Variants in NRG1 observed in about 807,000 individuals in gnomAD.
NRG1 encodes the protein pro-neuregulin-1, membrane-bound isoform.
A neutral mutation model predicts 63.8 loss-of-function variants in NRG1; 18 were observed. The observed-to-expected ratio is 0.28, with a 90% CI of 0.19 to 0.42. The LOEUF (loss-of-function observed/expected upper bound fraction) is 0.42, where lower values mean the gene tolerates loss of function less well. Ranked by LOEUF, NRG1 falls within the 10% of genes least tolerant of loss-of-function variation. The probability of loss-of-function intolerance (pLI) is 1.00; values close to 1 mark genes in which losing one functional copy is unlikely to be tolerated. For missense variants in NRG1, 762 were observed against 814.7 expected, an observed-to-expected ratio of 0.94 and a Z score of 0.79; for synonymous variants, 302 against 301.3, an observed-to-expected ratio of 1.00 and a Z score of -0.02.
At chr8:32,476,119 A>G (rs529718078) in intron 1 of NRG1, among the ~76,000 whole-genome samples, 13 of 152,186 alleles carry the variant, frequency 8.5e-5, no homozygotes, top group Non-Finnish European at 1.9e-4. Context: ...GTAAATGAGA[A>G]TTTATTATAA....
chr8:32,332,156 G>T (rs533118808), intron 1 of NRG1, among the ~76,000 whole-genome samples: 26 of 152,134 alleles, frequency 1.7e-4, no homozygotes, highest in African/African-American at 6.0e-4. Flanking sequence ...AAAAAAGAAG[G>T]TTGTAAGTTA....
intron 1 of NRG1, among the ~76,000 whole-genome samples, chr8:32,436,809 T>C (rs1818851385): frequency 1.3e-5 from 2 of 152,076 alleles, no homozygotes. Flanking sequence ...GTATAAAAAA[T>C]GGTTAAAATA....
rs144210854 is a variant in NRG1, at chr8:32,708,026, A to C, written c.503-19923A>C. Among the ~76,000 whole-genome samples, 225 of 152,206 alleles carry C rather than the reference A, an allele frequency of 1.5e-3. 2 individuals carry two copies. The highest frequency in any genetic ancestry group is 5.2e-3 in the African/African-American group (214 of 41,552). ...TCATAAATAATCTGTAAAACAAAATAATAGTGGCAGTATTTGTAATAAAGT... is the reference window on the plus strand; with the variant it reads ...TCATAAATAATCTGTAAAACAAAATCATAGTGGCAGTATTTGTAATAAAGT... On this transcript the variant is annotated intron_variant, in intron 5 of 11. Coordinates refer to ENST00000356819, the Ensembl canonical transcript of NRG1.
intron 1 of NRG1, among the ~76,000 whole-genome samples, chr8:31,717,696 C>T (rs985391615): frequency 6.6e-6 from 1 of 152,096 alleles, no homozygotes; most frequent in African/African-American, 2.4e-5. Context: ...ATCTTTTAAA[C>T]TTTAAAACAG....
intron 1 of NRG1, among the ~76,000 whole-genome samples, chr8:32,226,956 C>G (rs1846389693): frequency 6.6e-6 from 1 of 152,210 alleles, no homozygotes; most frequent in South Asian, 2.1e-4. Context: ...AATGTCCATG[C>G]AGCAACTCAT....
intron 5 of NRG1, among the ~76,000 whole-genome samples, chr8:32,637,910 G>A (rs62500238): frequency 0.29 from 43,685 of 151,972 alleles, 7,140 homozygotes; most frequent in Non-Finnish European, 0.36. Flanking sequence ...ACAAGTGGTC[G>A]TGGGAGCATT....
chr8:32,512,893 C>T (rs76804075), intron 1 of NRG1, among the ~76,000 whole-genome samples: 1,835 of 152,224 alleles, frequency 0.012, 39 homozygotes, highest in African/African-American at 0.041. Context: ...AGAACAATAA[C>T]CCCATTCCTT....
chr8:32,303,851 G>A (rs766995593), intron 1 of NRG1, among the ~76,000 whole-genome samples: 11 of 152,104 alleles, frequency 7.2e-5, no homozygotes, highest in African/African-American at 1.9e-4. Flanking sequence ...TTAAAGATAC[G>A]AAATTTACTT....
intron 1 of NRG1, among the ~76,000 whole-genome samples, chr8:32,228,002 T>C (rs57399093): frequency 0.012 from 1,892 of 152,338 alleles, 47 homozygotes; most frequent in African/African-American, 0.042. Flanking sequence ...TATTTTGCTT[T>C]CTCTCAGATA....
intron 1 of NRG1, among the ~76,000 whole-genome samples, chr8:31,660,827 G>A (rs995269810): frequency 1.3e-5 from 2 of 152,122 alleles, no homozygotes; most frequent in Middle Eastern, 3.2e-3. Context: ...CCTATATACT[G>A]TTGGGAGTCT....
At chr8:32,124,815 G>C (rs1833883888) in intron 1 of NRG1, among the ~76,000 whole-genome samples, 1 of 151,834 alleles carries the variant, frequency 6.6e-6, no homozygotes, top group South Asian at 2.1e-4. Context: ...CAGTGGGCTG[G>C]ACAAGCAAAG....
intron 1 of NRG1, among the ~76,000 whole-genome samples, chr8:32,148,049 G>A (rs1488897221): frequency 6.6e-6 from 1 of 151,860 alleles, no homozygotes; most frequent in African/African-American, 2.4e-5. Context: ...GAAAACAAAG[G>A]TTTTTTTGTT....
rs150571442 is a variant in NRG1, at chr8:32,493,611, T to C, written c.38-102217T>C. On this transcript the variant is annotated intron_variant, in intron 1 of 10. Coordinates refer to the NRG1 transcript ENST00000519301. ...CATTTGAAATGGCAGCATTTCCCCG[T>C]GCTAATTGTCATCCTTCAGCTAATT... Among the ~76,000 whole-genome samples the C allele has an allele frequency of 2.4e-3, 373 of 152,336 alleles. 2 individuals are homozygous for C. Among genetic ancestry groups the C allele is most frequent in the African/African-American group, 8.5e-3 (354 of 41,582 alleles).
chr8:32,155,713 T>A (rs1447732594), intron 1 of NRG1, among the ~76,000 whole-genome samples: 1 of 152,228 alleles, frequency 6.6e-6, no homozygotes, highest in Non-Finnish European at 1.5e-5. Context: ...GCACTGTATG[T>A]CACCATATCT....
At chr8:32,135,703 A>G (rs148764536) in intron 1 of NRG1, among the ~76,000 whole-genome samples, 8 of 152,146 alleles carry the variant, frequency 5.3e-5, no homozygotes, top group African/African-American at 1.9e-4. Context: ...CAAGTGGGCA[A>G]TTTGTTGGAC....
intron 1 of NRG1, among the ~76,000 whole-genome samples, chr8:31,800,284 G>A (rs1295413503): frequency 6.6e-6 from 1 of 152,134 alleles, no homozygotes; most frequent in Non-Finnish European, 1.5e-5. Context: ...CAGGTGGTGG[G>A]GCGAGGTAAC....
At position 32,304,932 on chromosome 8, in the gene NRG1, T is replaced by C. The variant is rs1362956670; in HGVS notation, c.38-290896T>C. Among the ~76,000 whole-genome samples the C allele has an allele frequency of 2.0e-5, 3 of 152,104 alleles. No individual in the cohort carries two copies. The East Asian group carries it at 5.8e-4, about 29-fold the overall frequency. ...AGCTACTAGAGAGGCTGAGAATCTC[T>C]TGAACCCAGGAGGCGGAGGTTACAG... is the stretch of plus-strand genomic sequence containing the variant. On this transcript the variant is annotated intron_variant, in intron 1 of 10. Transcript: ENST00000519301.
At chr8:31,886,565 G>C (rs1830729840) in intron 1 of NRG1, among the ~76,000 whole-genome samples, 1 of 152,052 alleles carries the variant, frequency 6.6e-6, no homozygotes, top group Non-Finnish European at 1.5e-5. Flanking sequence ...AATCAAGTTT[G>C]CTAAAATGAA....
chr8:31,649,743 C>G (rs990536681), intron 1 of NRG1, among the ~76,000 whole-genome samples: 66 of 152,248 alleles, frequency 4.3e-4, no homozygotes, highest in South Asian at 6.2e-4. Flanking sequence ...AATGGACTTA[C>G]AGAAAACAGT....
Sources: gnomAD v4.1 joint callset for allele counts (sites outside exome capture counted in the v4.1 genomes callset) on GRCh38, gnomAD v4.1.1 for gene constraint, MANE v1.5 for transcripts, NCBI Gene and HGNC (gene_info 2026-07-23, HGNC 2026-07-21) for gene names.